The following KCNJ3 variants were observed in gnomAD, a reference collection of about 807,000 sequenced individuals.
KCNJ3 encodes the protein G protein-activated inward rectifier potassium channel 1.
A neutral mutation model predicts 39.2 loss-of-function variants in KCNJ3; 4 were observed. That is an observed-to-expected ratio of 0.10 (90% CI 0.05 to 0.23). KCNJ3 has a LOEUF of 0.23. Ranked by LOEUF, KCNJ3 falls within the 10% of genes least tolerant of loss-of-function variation. The pLI is 1.00. For missense variants in KCNJ3, 276 were observed against 634.9 expected (o/e 0.43, Z 6.08); for synonymous variants, 230 against 237.4 (o/e 0.97, Z 0.29).
intron 2 of KCNJ3, among the ~76,000 whole-genome samples, chr2:154,834,859 A>ATACT (rs1687424188): frequency 6.9e-6 from 1 of 144,982 alleles, no homozygotes; most frequent in Admixed American, 7.1e-5. Context: ...TCATAATAAC[A>ATACT]TACTTAATAA....
intron 2 of KCNJ3, among the ~76,000 whole-genome samples, chr2:154,797,791 A>T (rs1215434353): frequency 6.6e-6 from 1 of 152,148 alleles, no homozygotes; most frequent in Non-Finnish European, 1.5e-5. Flanking sequence ...TTCCCTTTAG[A>T]TTGAACATTC....
At chr2:154,767,702 A>G (rs1686160188) in intron 2 of KCNJ3, among the ~76,000 whole-genome samples, 1 of 152,232 alleles carries the variant, frequency 6.6e-6, no homozygotes, top group Non-Finnish European at 1.5e-5. Flanking sequence ...GTATATACCC[A>G]GTAATGGGAT....
intron 2 of KCNJ3, among the ~76,000 whole-genome samples, chr2:154,714,252 G>GA (rs1270065605): frequency 2.0e-5 from 3 of 151,708 alleles, no homozygotes. Context: ...TTTCCTACTG[G>GA]AAAAAAATAA....
chr2:154,838,870 T>G (rs2961967), intron 2 of KCNJ3, among the ~76,000 whole-genome samples: 31,140 of 152,110 alleles, frequency 0.2, 3,485 homozygotes, highest in East Asian at 0.4. Context: ...TCTATGCTAG[T>G]GATAATGTTT....
intron 2 of KCNJ3, among the ~76,000 whole-genome samples, chr2:154,740,187 C>T (rs73968721): frequency 0.13 from 20,182 of 151,920 alleles, 2,466 homozygotes; most frequent in African/African-American, 0.33. Context: ...ATAGAGATTT[C>T]CTTATTGTTT....
At chr2:154,826,423 C>T (rs541317190) in intron 2 of KCNJ3, among the ~76,000 whole-genome samples, 10 of 152,104 alleles carry the variant, frequency 6.6e-5, no homozygotes, top group Non-Finnish European at 1.5e-4. Flanking sequence ...TTTCCTGTTA[C>T]TTGTATAAAA....
rs1025168894 is a variant in KCNJ3, at chr2:154,856,892, C to A, written c.*1579C>A. 1 of 152,030 alleles carries A rather than the reference C, an allele frequency of 6.6e-6. No homozygotes were observed. Among genetic ancestry groups the A allele is most frequent in the African/African-American group, 2.4e-5 (1 of 41,392 alleles). 9.4% of individuals were successfully genotyped at this position (152,030 alleles called of 1,614,324 possible). A position where few individuals can be genotyped will look rare whatever the true frequency, so the allele number is the denominator to read the frequency against. ...TAAAACTTCTTTAAGTATTGTAATT[C>A]CAGTCTGCCCCAACTTTAAAAAAAA... On this transcript the variant is annotated 3_prime_UTR_variant, in exon 3 of 3. Coordinates refer to ENST00000295101, the MANE Select transcript of KCNJ3 (RefSeq NM_002239.4).
At chr2:154,742,522 G>A (rs1218896791) in intron 2 of KCNJ3, among the ~76,000 whole-genome samples, 4 of 151,690 alleles carry the variant, frequency 2.6e-5, no homozygotes, top group East Asian at 1.9e-4. Context: ...ATTCCTCTAC[G>A]TGTTCACCAG....
At chr2:154,854,668 C>T (rs558139253) in intron 2 of KCNJ3, 59 bp from the exon 3 acceptor site, 23 of 1,294,094 alleles carry the variant, frequency 1.8e-5, no homozygotes, top group African/African-American at 8.9e-5. Flanking sequence ...TAGGCCAAAC[C>T]GGCTTTACAT....
At chr2:154,781,589 G>T (rs975395188) in intron 2 of KCNJ3, among the ~76,000 whole-genome samples, 1 of 152,162 alleles carries the variant, frequency 6.6e-6, no homozygotes, top group African/African-American at 2.4e-5. Context: ...CACTTAAAGT[G>T]CATTTTAATT....
At chr2:154,720,939 T>G (rs1558855901) in intron 2 of KCNJ3, among the ~76,000 whole-genome samples, 2 of 151,900 alleles carry the variant, frequency 1.3e-5, no homozygotes, top group Non-Finnish European at 2.9e-5. Flanking sequence ...TGTAGCCTCT[T>G]TGTGTGTGTG....
intron 2 of KCNJ3, among the ~76,000 whole-genome samples, chr2:154,819,114 T>C (rs367882707): frequency 7.3e-5 from 11 of 151,596 alleles, no homozygotes; most frequent in African/African-American, 2.7e-4. Flanking sequence ...CTGAGAGACA[T>C]AGTGAAACCA....
At chr2:154,780,492 A>T (rs1197683337) in intron 2 of KCNJ3, among the ~76,000 whole-genome samples, 1 of 152,176 alleles carries the variant, frequency 6.6e-6, no homozygotes, top group African/African-American at 2.4e-5. Context: ...ACCACTGGTA[A>T]CAGTCAATAG....
intron 2 of KCNJ3, among the ~76,000 whole-genome samples, chr2:154,733,174 A>G (rs1396614488): frequency 2.0e-5 from 3 of 152,062 alleles, no homozygotes; most frequent in African/African-American, 7.2e-5. Flanking sequence ...TACTTTTTTT[A>G]TTACAAAATT....
Position 154,845,364 on chromosome 2 carries a change from C to T in KCNJ3, c.920-9363C>T, listed in dbSNP as rs546401457. ...GAACTCCTGACCTCAAGTGATCCGC[C>T]TGCTTTGGCCTCCCAAAGTGCTGGG... On this transcript the variant is annotated intron_variant, in intron 2 of 2. Transcript: ENST00000295101. 3.4e-3 allele frequency among the ~76,000 whole-genome samples: 525 copies of T among 152,188 alleles called. 2 individuals are homozygous for T. The highest frequency in any genetic ancestry group is 6.8e-3 in the Middle Eastern group (2 of 294).
At chr2:154,832,965 A>G (rs1376499881) in intron 2 of KCNJ3, among the ~76,000 whole-genome samples, 2 of 152,210 alleles carry the variant, frequency 1.3e-5, no homozygotes, top group Non-Finnish European at 2.9e-5. Context: ...TTTAGAATAT[A>G]CAAATTTCAG....
At chr2:154,744,360 A>C (rs187604964) in intron 2 of KCNJ3, among the ~76,000 whole-genome samples, 313 of 151,868 alleles carry the variant, frequency 2.1e-3, no homozygotes, top group Admixed American at 4.7e-3. Context: ...TCAAAAATGA[A>C]CTGAGTAGAC....
chr2:154,763,282 G>T (rs1039143570), intron 2 of KCNJ3, among the ~76,000 whole-genome samples: 1 of 152,050 alleles, frequency 6.6e-6, no homozygotes. Context: ...AGAAATAAAC[G>T]GAATCTTTTT....
In KCNJ3 at chr2:154,805,724, G is replaced by A. The variant is rs545552706; in HGVS notation, c.920-49003G>A. Among the ~76,000 whole-genome samples the A allele has an allele frequency of 3.9e-5, 6 of 152,148 alleles. No individual in the cohort carries two copies. The East Asian group carries it at 1.2e-3, about 29-fold the overall frequency. On this transcript the variant is annotated intron_variant, in intron 2 of 2. Coordinates refer to ENST00000295101, the MANE Select transcript of KCNJ3 (RefSeq NM_002239.4). ...TGGGCATATTACAATTAAATCTCTAGTTTAAGAATGTGCATATATCACACA... is the reference window on the plus strand; with the variant it reads ...TGGGCATATTACAATTAAATCTCTAATTTAAGAATGTGCATATATCACACA...
Sources: gnomAD v4.1 joint callset for allele counts (sites outside exome capture counted in the v4.1 genomes callset) on GRCh38, gnomAD v4.1.1 for gene constraint, MANE v1.5 for transcripts, NCBI Gene and HGNC (gene_info 2026-07-23, HGNC 2026-07-21) for gene names.